Variants in SAMD5 observed in about 807,000 individuals in gnomAD.
SAMD5 encodes sterile alpha motif domain-containing protein 5.
In SAMD5, 13 loss-of-function variants were observed where a neutral mutation model predicts 11.3. The ratio of observed to expected loss-of-function variants is 1.15; its 90% CI spans 0.75 to 1.83. The LOEUF (loss-of-function observed/expected upper bound fraction) is 1.83, where lower values mean the gene tolerates loss of function less well. Among genes scored for constraint, SAMD5 ranks in the 40% most tolerant of loss-of-function variants. The probability of loss-of-function intolerance (pLI) is 0.00; values close to 1 mark genes in which losing one functional copy is unlikely to be tolerated. For synonymous variants in SAMD5, 129 were observed against 111.3 expected, an observed-to-expected ratio of 1.16 and a Z score of -1.00; for missense variants, 255 against 239.1, an observed-to-expected ratio of 1.07 and a Z score of -0.44.
At chr6:147,603,776 TA>T (rs1297351378) in intron 1 of SAMD5, among the ~76,000 whole-genome samples, 1 of 151,538 alleles carries the variant, frequency 6.6e-6, no homozygotes, top group Non-Finnish European at 1.5e-5. Flanking sequence ...CTCATTTCAT[TA>T]AAAAACAAAA....
intron 1 of SAMD5, among the ~76,000 whole-genome samples, chr6:147,579,647 G>A (rs778098702): frequency 2.6e-5 from 4 of 151,910 alleles, no homozygotes; most frequent in Non-Finnish European, 2.9e-5. Flanking sequence ...TAGTAGAGAC[G>A]GGTTCCACCA....
At chr6:147,899,327 T>C in the SAMD5 span, among the ~76,000 whole-genome samples, 19,363 of 152,088 alleles carry the variant, frequency 0.13, 1,525 homozygotes, top group East Asian at 0.31. Context: ...GTTGTGAGGC[T>C]TGGGGCTAAG....
the SAMD5 span, among the ~76,000 whole-genome samples, chr6:147,923,879 C>T: frequency 1.3e-5 from 2 of 152,162 alleles, no homozygotes; most frequent in Non-Finnish European, 2.9e-5. Context: ...ATATATAGGC[C>T]TAGACACCCC....
At chr6:147,655,389 AT>A (rs763266992) in intron 1 of SAMD5, among the ~76,000 whole-genome samples, 2 of 152,134 alleles carry the variant, frequency 1.3e-5, no homozygotes, top group Non-Finnish European at 2.9e-5. Context: ...AAATTCAATT[AT>A]TTTTATTTGT....
chr6:147,745,123 A>G, the SAMD5 span, among the ~76,000 whole-genome samples: 1 of 152,074 alleles, frequency 6.6e-6, no homozygotes, highest in South Asian at 2.1e-4. Flanking sequence ...AAATTCCTCT[A>G]TTTTAGAGCT....
chr6:147,888,833 C>G, the SAMD5 span, among the ~76,000 whole-genome samples: 1 of 150,076 alleles, frequency 6.7e-6, no homozygotes, highest in Admixed American at 6.7e-5. Flanking sequence ...TGCAGTGAGC[C>G]AAGACCGTGC....
At chr6:147,605,787 C>T (rs954918420) in intron 1 of SAMD5, among the ~76,000 whole-genome samples, 4 of 152,142 alleles carry the variant, frequency 2.6e-5, no homozygotes, top group Admixed American at 6.5e-5. Context: ...AAAACAATTA[C>T]CATCAGGACT....
downstream of SAMD5, chr6:147,737,608 A>T (rs191716301): frequency 2.6e-3 from 417 of 159,900 alleles, 1 homozygote; most frequent in African/African-American, 9.7e-3. Context: ...AATAAGAATA[A>T]TCCTGGAAAA....
chr6:147,860,298 G>A, the SAMD5 span, among the ~76,000 whole-genome samples: 63 of 152,220 alleles, frequency 4.1e-4, no homozygotes, highest in Admixed American at 6.5e-4. Flanking sequence ...ACTAAGGTCC[G>A]CCCTAATCCC....
the SAMD5 span, among the ~76,000 whole-genome samples, chr6:147,902,868 G>A: frequency 2.6e-5 from 4 of 152,090 alleles, no homozygotes; most frequent in Non-Finnish European, 5.9e-5. Context: ...GTGCACACCT[G>A]TATATTCTGA....
chr6:147,659,633 G>A (rs1452525926), intron 1 of SAMD5, among the ~76,000 whole-genome samples: 1 of 152,180 alleles, frequency 6.6e-6, no homozygotes, highest in Non-Finnish European at 1.5e-5. Context: ...AAGAATGAGT[G>A]TATTCCGTTT....
At chr6:147,516,062 C>G (rs1631864) in intron 1 of SAMD5, among the ~76,000 whole-genome samples, 63,209 of 151,916 alleles carry the variant, frequency 0.42, 16,721 homozygotes, top group African/African-American at 0.76. Flanking sequence ...GATTCTCAGG[C>G]TCATGCAAGT....
At chr6:147,926,778 G>C in the SAMD5 span, among the ~76,000 whole-genome samples, 7 of 152,088 alleles carry the variant, frequency 4.6e-5, no homozygotes, top group Admixed American at 3.3e-4. Flanking sequence ...GTATTGCCTA[G>C]GTTGTCTTCC....
chr6:147,698,132 G>A (rs1791203978), intron 1 of SAMD5, among the ~76,000 whole-genome samples: 1 of 152,162 alleles, frequency 6.6e-6, no homozygotes, highest in Non-Finnish European at 1.5e-5. Flanking sequence ...AGGAGGCGGA[G>A]CTCAGGCTGT....
chr6:147,748,048 T>G, the SAMD5 span, among the ~76,000 whole-genome samples: 1 of 152,190 alleles, frequency 6.6e-6, no homozygotes, highest in Non-Finnish European at 1.5e-5. Context: ...AAAACCTCAC[T>G]CATCAAGCCA....
chr6:147,568,391 CA>C lies in SAMD5; in HGVS notation c.*3936del. 1.0e-6 allele frequency: 1 copy of C among 984,818 alleles called. No individual in the cohort carries two copies. The highest frequency in any genetic ancestry group is 1.2e-6 in the Non-Finnish European group (1 of 829,380). 61.0% of individuals were successfully genotyped at this position (984,818 alleles called of 1,614,324 possible). ...ACATAATTAAAATGCTTGGACAAAA[CA>C]TTTGCTTTATATAGATTCTTACAAG... On this transcript the variant is annotated 3_prime_UTR_variant, in exon 2 of 2. Transcript: ENST00000367474.
At chr6:147,526,211 G>C (rs888758315) in intron 1 of SAMD5, among the ~76,000 whole-genome samples, 1 of 152,188 alleles carries the variant, frequency 6.6e-6, no homozygotes. Context: ...CTTAGGTTTT[G>C]TGAGTTTCAT....
the SAMD5 span, among the ~76,000 whole-genome samples, chr6:147,952,787 T>C: frequency 8.5e-5 from 13 of 152,202 alleles, no homozygotes; most frequent in African/African-American, 2.9e-4. Flanking sequence ...CTGCTGGGAT[T>C]ACTGGCGTGA....
At chr6:147,909,614 T>TCTCTCTCTCTCTC in the SAMD5 span, among the ~76,000 whole-genome samples, 3 of 77,272 alleles carry the variant, frequency 3.9e-5, no homozygotes, top group Non-Finnish European at 7.2e-5. Context: ...CTTTCTTTCT[T>TCTCTCTCTCTCTC]TCTTTCTTTC....
Sources: gnomAD v4.1 joint callset for allele counts (sites outside exome capture counted in the v4.1 genomes callset) on GRCh38, gnomAD v4.1.1 for gene constraint, MANE v1.5 for transcripts, NCBI Gene and HGNC (gene_info 2026-07-23, HGNC 2026-07-21) for gene names.